Variants in PTPRZ1 observed in about 807,000 individuals in gnomAD.
PTPRZ1 encodes protein tyrosine phosphatase receptor type Z1, also known as receptor-type tyrosine-protein phosphatase zeta.
PTPRZ1 carries 82 observed loss-of-function variants against 214.1 expected under a neutral mutation model. That is an observed-to-expected ratio of 0.38 (90% confidence interval 0.32 to 0.46). PTPRZ1 has a LOEUF of 0.46. PTPRZ1 is among the 20% of genes least tolerant of loss of function. The pLI, the probability that PTPRZ1 is intolerant of heterozygous loss-of-function variation, is 1.00. For synonymous variants in PTPRZ1, 945 were observed against 987.9 expected, an observed-to-expected ratio of 0.96 and a Z score of 0.81; for missense variants, 2,603 against 2,748.7, an observed-to-expected ratio of 0.95 and a Z score of 1.19.
At chr7:121,999,938 T>C (rs891616123) in intron 10 of PTPRZ1, among the ~76,000 whole-genome samples, 2 of 152,138 alleles carry the variant, frequency 1.3e-5, no homozygotes, top group Admixed American at 6.5e-5. Context: ...CGGGACACTA[T>C]TGAACGTTGT....
Position 121,887,945 on chromosome 7 carries a change from C to CT in PTPRZ1, c.58+14389dup, listed in dbSNP as rs1794449819. On this transcript the variant is annotated intron_variant, in intron 1 of 29. Coordinates refer to ENST00000393386, the MANE Select transcript of PTPRZ1 (RefSeq NM_002851.3). ...TATCCCTTTCTACCAAGAACAAGAT[C>CT]TGAGATATGTGAGATCCTGTTTGAT... 2.6e-5 allele frequency among the ~76,000 whole-genome samples: 4 copies of CT among 152,162 alleles called. No homozygotes were observed. The South Asian group carries it at 8.3e-4, about 32-fold the overall frequency.
intron 11 of PTPRZ1, among the ~76,000 whole-genome samples, chr7:122,007,434 A>G (rs1402288527): frequency 2.6e-5 from 4 of 152,136 alleles, no homozygotes. Flanking sequence ...AGTTCTTGCT[A>G]TTGAAATTAA....
intron 1 of PTPRZ1, among the ~76,000 whole-genome samples, chr7:121,890,870 A>G (rs1294887946): frequency 6.6e-6 from 1 of 151,554 alleles, no homozygotes; most frequent in Non-Finnish European, 1.5e-5. Context: ...TAGAGACGGA[A>G]TTTATCTATG....
chr7:121,947,649 T>A (rs1796425239), intron 2 of PTPRZ1, among the ~76,000 whole-genome samples: 1 of 152,228 alleles, frequency 6.6e-6, no homozygotes, highest in Non-Finnish European at 1.5e-5. Context: ...TGGGCTTCCC[T>A]TTATTCATGT....
chr7:122,055,213 A>G lies in PTPRZ1; in HGVS notation c.6528+126A>G, dbSNP rs942643534. On this transcript the variant is annotated intron_variant, in intron 27 of 29. Transcript: ENST00000393386. ...TTTTTCCCCATTGAGACAAATACAC[A>G]AATAATCAAATTACCTTGTCACTTT... The G allele has an allele frequency of 3.6e-5, 25 of 694,086 alleles. No individual in the cohort carries two copies. In the African/African-American group the frequency reaches 4.1e-4, roughly 11 times the overall value. 43.0% of individuals were successfully genotyped at this position (694,086 alleles called of 1,614,324 possible).
At chr7:121,910,919 G>T (rs1795254259) in intron 1 of PTPRZ1, among the ~76,000 whole-genome samples, 1 of 152,098 alleles carries the variant, frequency 6.6e-6, no homozygotes, top group Non-Finnish European at 1.5e-5. Context: ...AGAAGTGAAT[G>T]GCATTCATAG....
intron 2 of PTPRZ1, among the ~76,000 whole-genome samples, chr7:121,939,233 A>C (rs921601057): frequency 1.1e-4 from 17 of 152,258 alleles, no homozygotes; most frequent in Non-Finnish European, 2.4e-4. Context: ...GGCTTAGCAT[A>C]TAAGAAGTAG....
intron 1 of PTPRZ1, among the ~76,000 whole-genome samples, chr7:121,877,877 G>A (rs974468334): frequency 6.6e-5 from 10 of 151,716 alleles, no homozygotes; most frequent in Non-Finnish European, 1.5e-4. Flanking sequence ...AAAAGTCAGA[G>A]CCAATTTAAA....
At position 122,058,816 on chromosome 7, in the gene PTPRZ1, A is replaced by C; in HGVS notation, c.6545A>C (p.Glu2182Ala). The change falls in exon 28 of 30, where the codon GAA becomes GCA. Residue 2182 changes from glutamate (E) to alanine (A), a missense_variant. Glu to Ala is a moderately radical substitution (Grantham distance 107, BLOSUM62 -1). Transcript: ENST00000393386. ...TTGTTATAGGATGATTATGTACTTGAAGTGAGGCACTTTCAGTGTCCTAAA... is the reference window on the plus strand; with the variant it reads ...TTGTTATAGGATGATTATGTACTTGCAGTGAGGCACTTTCAGTGTCCTAAA... ...LEATQDDYVL[E>A]VRHFQCPKWP... is the part of the protein sequence containing the mutation. The C allele has an allele frequency of 1.2e-6, 2 of 1,606,466 alleles. No individual in the cohort carries two copies. The highest frequency in any genetic ancestry group is 1.7e-6 in the Non-Finnish European group (2 of 1,173,610).
At chr7:121,884,636 T>A (rs1563000183) in intron 1 of PTPRZ1, among the ~76,000 whole-genome samples, 1 of 152,214 alleles carries the variant, frequency 6.6e-6, no homozygotes, top group Non-Finnish European at 1.5e-5. Context: ...GAAACTCAGT[T>A]CAGCACATGT....
intron 1 of PTPRZ1, among the ~76,000 whole-genome samples, chr7:121,879,472 G>A (rs868427827): frequency 2.6e-5 from 4 of 152,292 alleles, no homozygotes; most frequent in Middle Eastern, 6.8e-3. Flanking sequence ...TAGTCAAGAA[G>A]GCCGTAAGAG....
intron 1 of PTPRZ1, among the ~76,000 whole-genome samples, chr7:121,925,265 T>G (rs1395578923): frequency 6.6e-6 from 1 of 152,198 alleles, no homozygotes; most frequent in East Asian, 1.9e-4. Context: ...ATATATTCAT[T>G]TGTAATAAAG....
intron 2 of PTPRZ1, among the ~76,000 whole-genome samples, chr7:121,938,461 A>G: frequency 6.6e-6 from 1 of 152,196 alleles, no homozygotes; most frequent in East Asian, 1.9e-4. Context: ...AGGGAAAATA[A>G]ACTTCATATT....
intron 6 of PTPRZ1, among the ~76,000 whole-genome samples, chr7:121,977,300 A>T (rs928721676): frequency 6.6e-6 from 1 of 152,204 alleles, no homozygotes; most frequent in Admixed American, 6.5e-5. Context: ...TTGCTTTATC[A>T]ACATGAGGAG....
intron 13 of PTPRZ1, among the ~76,000 whole-genome samples, chr7:122,021,037 T>A (rs1404907422): frequency 1.3e-5 from 2 of 152,192 alleles, no homozygotes; most frequent in Non-Finnish European, 2.9e-5. Context: ...ACCTTTTTAA[T>A]TAATGGGAGT....
At chr7:121,940,707 C>T (rs1325211986) in intron 2 of PTPRZ1, among the ~76,000 whole-genome samples, 3 of 152,042 alleles carry the variant, frequency 2.0e-5, no homozygotes, top group African/African-American at 4.8e-5. Flanking sequence ...GATAAATCTT[C>T]TGTCATATTC....
chr7:121,935,414 C>A (rs1377587614), intron 2 of PTPRZ1, among the ~76,000 whole-genome samples: 1 of 152,124 alleles, frequency 6.6e-6, no homozygotes, highest in Non-Finnish European at 1.5e-5. Context: ...TCTGTCTGAG[C>A]TGGAACTGTC....
At chr7:121,879,212 G>A (rs527803804) in intron 1 of PTPRZ1, among the ~76,000 whole-genome samples, 5 of 152,292 alleles carry the variant, frequency 3.3e-5, no homozygotes, top group Middle Eastern at 3.4e-3. Flanking sequence ...GCAGTCTTGA[G>A]TGAGCTTTTA....
intron 22 of PTPRZ1, 142 bp from the exon 23 acceptor site, chr7:122,044,280 C>A: frequency 1.1e-6 from 1 of 906,896 alleles, no homozygotes; most frequent in Non-Finnish European, 1.7e-6. Flanking sequence ...GACTTCCTTC[C>A]AGGTTTTGTA....
Sources: allele counts gnomAD v4.1 joint callset (sites outside exome capture counted in the v4.1 genomes callset), GRCh38; gene constraint gnomAD v4.1.1; transcripts MANE v1.5; gene names NCBI Gene and HGNC (gene_info 2026-07-23, HGNC 2026-07-21).